The following FARP1 variants were observed in gnomAD, a reference collection of about 807,000 sequenced individuals.
FARP1 encodes FERM, ARHGEF and pleckstrin domain-containing protein 1.
FARP1 carries 52 observed loss-of-function variants against 128.8 expected under a neutral mutation model. The observed-to-expected ratio is 0.40, with a 90% CI of 0.32 to 0.51. The LOEUF is 0.51. Among genes scored for constraint, FARP1 ranks in the 20% least tolerant of loss-of-function variants. The probability of loss-of-function intolerance (pLI) is 0.45; values close to 1 mark genes in which losing one functional copy is unlikely to be tolerated. For synonymous variants in FARP1, 580 were observed against 551.8 expected, an observed-to-expected ratio of 1.05 and a Z score of -0.72; for missense variants, 1,333 against 1,367.9, an observed-to-expected ratio of 0.97 and a Z score of 0.40.
At chr13:98,245,162 A>AC (rs2139464515) in intron 2 of FARP1, 1 of 991,924 alleles carries the variant, frequency 1.0e-6, no homozygotes, top group Non-Finnish European at 1.2e-6. Flanking sequence ...GAAAGGGTTT[A>AC]GTTTTTAAAA....
At chr13:98,177,508 G>A (rs1365196166) in intron 1 of FARP1, among the ~76,000 whole-genome samples, 1 of 152,100 alleles carries the variant, frequency 6.6e-6, no homozygotes, top group Non-Finnish European at 1.5e-5. Context: ...TTACCTGGGT[G>A]TGGTGGCGTG....
intron 1 of FARP1, among the ~76,000 whole-genome samples, chr13:98,179,781 CG>C (rs1352256276): frequency 2.0e-5 from 3 of 152,000 alleles, no homozygotes; most frequent in Non-Finnish European, 4.4e-5. Context: ...GGCGTGAACC[CG>C]GGAGGCAGAG....
chr13:98,431,234 G>A lies in FARP1; in HGVS notation c.2097G>A (p.Leu699=), dbSNP rs1164113679. 3 of 1,584,138 alleles carry A rather than the reference G, an allele frequency of 1.9e-6. No homozygotes were observed. Among genetic ancestry groups the A allele is most frequent in the South Asian group, 2.3e-5 (2 of 87,794 alleles). ...ACTACAAGCAGGTCCTGGAGCGGCT[G>A]TGCAAACACCACCCGCCGAGCCACG... is the stretch of plus-strand genomic sequence containing the variant. The part of the protein sequence containing the change: ...LMHYKQVLER[L]CKHHPPSHAD... Residue 699 remains leucine, a synonymous_variant, in exon 18 of 27, where the codon CTG becomes CTA. Transcript: ENST00000319562.
At chr13:98,215,055 G>C (rs1372933340) in intron 2 of FARP1, among the ~76,000 whole-genome samples, 1 of 152,208 alleles carries the variant, frequency 6.6e-6, no homozygotes, top group Non-Finnish European at 1.5e-5. Context: ...TGCTGCTCTT[G>C]TGTGCACTCA....
At chr13:98,329,830 C>T (rs1397913324) in intron 2 of FARP1, 2 of 152,096 alleles carry the variant, frequency 1.3e-5, no homozygotes, top group Non-Finnish European at 2.9e-5. Context: ...ATGCTGTTCT[C>T]GTGAACAAAA....
chr13:98,352,601 C>G (rs927448222), intron 3 of FARP1, among the ~76,000 whole-genome samples: 1 of 152,194 alleles, frequency 6.6e-6, no homozygotes, highest in Non-Finnish European at 1.5e-5. Flanking sequence ...TGAACCATGA[C>G]TTTAAACAGG....
chr13:98,248,734 C>CTTCTT (rs1453946233), intron 2 of FARP1, among the ~76,000 whole-genome samples: 1 of 151,918 alleles, frequency 6.6e-6, no homozygotes, highest in African/African-American at 2.4e-5. Context: ...GAGGGTCTGC[C>CTTCTT]TTCTTGTCTC....
chr13:98,253,659 G>A (rs4772059), intron 2 of FARP1, among the ~76,000 whole-genome samples: 94,613 of 151,812 alleles, frequency 0.62, 30,813 homozygotes, highest in East Asian at 0.89. Flanking sequence ...GCTTTGCTGC[G>A]TTCATCCAAG....
chr13:98,178,517 T>C (rs1332131954), intron 1 of FARP1, among the ~76,000 whole-genome samples: 2 of 152,238 alleles, frequency 1.3e-5, no homozygotes, highest in Non-Finnish European at 2.9e-5. Flanking sequence ...TTAACCCTTT[T>C]TTTTCTTGAG....
chr13:98,368,466 A>C (rs1889191323), intron 5 of FARP1, among the ~76,000 whole-genome samples: 1 of 152,210 alleles, frequency 6.6e-6, no homozygotes. Context: ...TCCATCTTAT[A>C]TGTCACATCA....
At chr13:98,148,969 C>T (rs1272495644) in intron 1 of FARP1, among the ~76,000 whole-genome samples, 1 of 152,056 alleles carries the variant, frequency 6.6e-6, no homozygotes, top group Non-Finnish European at 1.5e-5. Flanking sequence ...TCACTGCAGC[C>T]TCAACTTCCT....
Position 98,448,509 on chromosome 13 carries a change from T to G in FARP1, c.*192T>G. On this transcript the variant is annotated 3_prime_UTR_variant, in exon 27 of 27. Transcript: ENST00000319562. ...CGTCTGAATGAACAGCGCTCCCACC[T>G]CCAGTCCTGGCATCCGCTGGGGGCG... The G allele has an allele frequency of 1.7e-6, 1 of 583,660 alleles. No homozygotes were observed. The highest frequency in any genetic ancestry group is 2.0e-5 in the South Asian group (1 of 48,868). The allele number at this position is 583,660 out of a possible 1,614,324, so 36.2% of individuals were successfully genotyped here. A position where few individuals can be genotyped will look rare whatever the true frequency, so the allele number is the denominator to read the frequency against.
chr13:98,261,853 A>T (rs1883896794), intron 2 of FARP1, among the ~76,000 whole-genome samples: 1 of 152,132 alleles, frequency 6.6e-6, no homozygotes, highest in African/African-American at 2.4e-5. Context: ...CAAGCCATTC[A>T]TGAGGGATCC....
chr13:98,372,462 C>G (rs1889390393), intron 5 of FARP1, among the ~76,000 whole-genome samples: 1 of 152,040 alleles, frequency 6.6e-6, no homozygotes, highest in Admixed American at 6.6e-5. Context: ...TTGTTCTTCC[C>G]CTTCTCTCTG....
chr13:98,392,689 A>C (rs528800971), intron 11 of FARP1, among the ~76,000 whole-genome samples: 1 of 152,276 alleles, frequency 6.6e-6, no homozygotes, highest in South Asian at 2.1e-4. Context: ...AGAACCATCC[A>C]GATTATTTCA....
At chr13:98,228,920 G>A (rs939244358) in intron 2 of FARP1, among the ~76,000 whole-genome samples, 1 of 152,164 alleles carries the variant, frequency 6.6e-6, no homozygotes, top group Non-Finnish European at 1.5e-5. Context: ...CTGACCAGTT[G>A]AGTAATAAGA....
intron 18 of FARP1, chr13:98,433,356 A>C (rs979541760): frequency 1.3e-5 from 2 of 152,244 alleles, no homozygotes; most frequent in African/African-American, 4.8e-5. Flanking sequence ...TTGGCAAAGT[A>C]ATTGAGACAG....
intron 2 of FARP1, among the ~76,000 whole-genome samples, chr13:98,296,400 G>A (rs1175583307): frequency 6.6e-6 from 1 of 152,042 alleles, no homozygotes; most frequent in Non-Finnish European, 1.5e-5. Flanking sequence ...TGGATGAAAT[G>A]ACTTTCCCTG....
At chr13:98,302,867 T>C (rs574992635) in intron 2 of FARP1, among the ~76,000 whole-genome samples, 5 of 152,080 alleles carry the variant, frequency 3.3e-5, no homozygotes, top group South Asian at 4.2e-4. Flanking sequence ...ATAAGCCCAT[T>C]TGGGCAAGAG....
Sources: gnomAD v4.1 joint callset for allele counts (sites outside exome capture counted in the v4.1 genomes callset) on GRCh38, gnomAD v4.1.1 for gene constraint, MANE v1.5 for transcripts, NCBI Gene and HGNC (gene_info 2026-07-23, HGNC 2026-07-21) for gene names.